TRIM71: variants seen among roughly 807,000 people sequenced by gnomAD.
The protein encoded by TRIM71 is E3 ubiquitin-protein ligase TRIM71.
Under a neutral mutation model 61.2 loss-of-function variants are expected in TRIM71, and 9 were observed. The observed-to-expected ratio is 0.15, with a 90% CI of 0.09 to 0.26. The LOEUF (loss-of-function observed/expected upper bound fraction) is 0.26, where lower values mean the gene tolerates loss of function less well. Among genes scored for constraint, TRIM71 ranks in the 10% least tolerant of loss-of-function variants. The probability of loss-of-function intolerance (pLI) is 1.00; values close to 1 mark genes in which losing one functional copy is unlikely to be tolerated. For missense variants in TRIM71, 998 were observed against 1,238.7 expected (o/e 0.81, Z 2.92); for synonymous variants, 645 against 553.2 (o/e 1.17, Z -2.33).
intron 1 of TRIM71, among the ~76,000 whole-genome samples, chr3:32,822,029 G>A (rs1696140758): frequency 6.6e-6 from 1 of 152,162 alleles, no homozygotes; most frequent in Non-Finnish European, 1.5e-5. Context: ...CTTTAGTGTT[G>A]TTTTGCTTTT....
In TRIM71 at chr3:32,818,157, C is replaced by T. The variant is rs769321699; in HGVS notation, c.77C>T (p.Ser26Phe). Residue 26 changes from serine to phenylalanine, a missense_variant, in exon 1 of 4, where the codon TCC becomes TTC. Coordinates refer to ENST00000383763, the MANE Select transcript of TRIM71 (RefSeq NM_001039111.3). ...KEMCGSPAPL[S>F]SNSSASSSSS... is the part of the protein sequence containing the mutation. The stretch of plus-strand genomic sequence containing the variant: ...ATGTGCGGCTCGCCGGCGCCGCTCT[C>T]CTCCAACTCGTCCGCGTCGTCGTCC... 6 of 1,607,548 alleles carry T rather than the reference C, an allele frequency of 3.7e-6. No homozygotes were observed. The highest frequency in any genetic ancestry group is 1.7e-5 in the Admixed American group (1 of 59,650).
chr3:32,865,253 C>CG (rs1231126064), intron 1 of TRIM71, among the ~76,000 whole-genome samples: 4 of 152,060 alleles, frequency 2.6e-5, no homozygotes, highest in Admixed American at 1.3e-4. Flanking sequence ...CACTTGAACT[C>CG]GGGGGTTGGA....
chr3:32,850,779 T>C (rs1696529872), intron 1 of TRIM71, among the ~76,000 whole-genome samples: 1 of 152,106 alleles, frequency 6.6e-6, no homozygotes, highest in African/African-American at 2.4e-5. Flanking sequence ...GGGGGACCAT[T>C]CGCTGCCCTA....
intron 1 of TRIM71, among the ~76,000 whole-genome samples, chr3:32,870,120 T>C (rs1337368192): frequency 6.6e-6 from 1 of 152,232 alleles, no homozygotes; most frequent in East Asian, 1.9e-4. Flanking sequence ...TCGATTGTTT[T>C]AACAGCTCTA....
intron 2 of TRIM71, among the ~76,000 whole-genome samples, chr3:32,885,539 G>A (rs921206462): frequency 6.6e-6 from 1 of 152,192 alleles, no homozygotes. Context: ...GCGGGGTTTC[G>A]CCTAGGCAGA....
intron 2 of TRIM71, among the ~76,000 whole-genome samples, chr3:32,882,973 T>C (rs1423785152): frequency 6.6e-6 from 1 of 152,220 alleles, no homozygotes; most frequent in Non-Finnish European, 1.5e-5. Context: ...ACAGCTTTCT[T>C]TCCTTTGTTC....
rs1164634593 is a variant in TRIM71 at position 32,893,869 on chromosome 3, A to AT, written c.*2058_*2059insT. 1.3e-5 allele frequency: 2 copies of AT among 152,004 alleles called. No homozygotes were observed. Among genetic ancestry groups the AT allele is most frequent in the Admixed American group, 6.6e-5 (1 of 15,250 alleles). 9.4% of individuals were successfully genotyped at this position (152,004 alleles called of 1,614,324 possible). On this transcript the variant is annotated 3_prime_UTR_variant, in exon 4 of 4. Coordinates refer to ENST00000383763, the MANE Select transcript of TRIM71 (RefSeq NM_001039111.3). ...GACCAAAATGGGAAGGAAAAAAAAA[A>AT]CCTCATCTCACAGAGGAGAACTGCA...
rs907717416 is a variant in TRIM71 at position 32,871,865 on chromosome 3, C to G, written c.853-1953C>G. Among the ~76,000 whole-genome samples the G allele has an allele frequency of 2.0e-5, 3 of 152,176 alleles. No individual in the cohort carries two copies. In the East Asian group the frequency reaches 5.8e-4, roughly 29 times the overall value. ...CCCTTGTATAAAGTAGGATCTGGGC[C>G]GGGTGCGTTGGCTCACGCCTGTAAT... On this transcript the variant is annotated intron_variant, in intron 1 of 3. Transcript: ENST00000383763.
chr3:32,856,564 AG>A (rs1474064087), intron 1 of TRIM71, among the ~76,000 whole-genome samples: 1 of 152,206 alleles, frequency 6.6e-6, no homozygotes, highest in Non-Finnish European at 1.5e-5. Flanking sequence ...GGAAGGTGAA[AG>A]GGGTGAAAGG....
At chr3:32,885,168 C>CACCT (rs1696946807) in intron 2 of TRIM71, among the ~76,000 whole-genome samples, 1 of 152,198 alleles carries the variant, frequency 6.6e-6, no homozygotes, top group Admixed American at 6.5e-5. Context: ...CTGATTGAAT[C>CACCT]ACCTACCCGA....
intron 1 of TRIM71, among the ~76,000 whole-genome samples, chr3:32,846,775 C>T (rs1696480747): frequency 6.6e-6 from 1 of 151,838 alleles, no homozygotes. Flanking sequence ...ATATAAGTGA[C>T]ATCATGTGGT....
chr3:32,894,000 C>CTGTT lies in TRIM71; in HGVS notation c.*2189_*2190insTGTT, dbSNP rs1697053868. The CTGTT allele has an allele frequency of 6.6e-6, 1 of 152,156 alleles. No homozygotes were observed. Among genetic ancestry groups the CTGTT allele is most frequent in the Non-Finnish European group, 1.5e-5 (1 of 68,028 alleles). The allele number at this position is 152,156 out of a possible 1,614,324, so 9.4% of individuals were successfully genotyped here. ...TAGGAAATGTTGTTTGTTAGAAGCT[C>CTGTT]CTTTTACTGTAGAATTTAATAGTGA... On this transcript the variant is annotated 3_prime_UTR_variant, in exon 4 of 4. Coordinates refer to ENST00000383763, the MANE Select transcript of TRIM71 (RefSeq NM_001039111.3).
At chr3:32,856,208 G>C (rs1321034806) in intron 1 of TRIM71, among the ~76,000 whole-genome samples, 1 of 151,982 alleles carries the variant, frequency 6.6e-6, no homozygotes, top group African/African-American at 2.4e-5. Context: ...TAGTGGAGAC[G>C]GGGTTTCACC....
intron 1 of TRIM71, among the ~76,000 whole-genome samples, chr3:32,862,666 C>T (rs1220709579): frequency 6.6e-6 from 1 of 152,232 alleles, no homozygotes; most frequent in Non-Finnish European, 1.5e-5. Flanking sequence ...CCAAATCTGT[C>T]TTTCGTGTCC....
At chr3:32,859,758 C>T (rs1243523500) in intron 1 of TRIM71, among the ~76,000 whole-genome samples, 1 of 152,182 alleles carries the variant, frequency 6.6e-6, no homozygotes, top group Non-Finnish European at 1.5e-5. Context: ...GCTGTAATGA[C>T]TGCTTCTTTG....
At chr3:32,860,961 G>A (rs892991103) in intron 1 of TRIM71, among the ~76,000 whole-genome samples, 1 of 151,968 alleles carries the variant, frequency 6.6e-6, no homozygotes, top group Non-Finnish European at 1.5e-5. Context: ...GATCGCTTGA[G>A]TGCAGGAGTT....
At chr3:32,841,486 A>G (rs1043572292) in intron 1 of TRIM71, among the ~76,000 whole-genome samples, 7 of 151,826 alleles carry the variant, frequency 4.6e-5, no homozygotes, top group Non-Finnish European at 7.4e-5. Context: ...AGCCTGGGCA[A>G]CACGGCAAAA....
At chr3:32,886,264 C>A (rs551724743) in intron 3 of TRIM71, among the ~76,000 whole-genome samples, 196 bp downstream of exon 3, 1 of 152,168 alleles carries the variant, frequency 6.6e-6, no homozygotes, top group East Asian at 1.9e-4. Context: ...AGTAAAACAA[C>A]AAGAAGCCTT....
Position 32,818,871 on chromosome 3 carries a change from C to T in TRIM71, c.791C>T (p.Pro264Leu), listed in dbSNP as rs576143107. 5 of 1,612,558 alleles carry T rather than the reference C, an allele frequency of 3.1e-6. No homozygotes were observed. The highest frequency in any genetic ancestry group is 4.5e-5 in the East Asian group (2 of 44,840). The change falls in exon 1 of 4, where the codon CCC (proline) becomes CTC (leucine). Residue 264 changes from proline (P) to leucine (L), a missense_variant. Around this residue, in one of 5 missense-constraint regions of TRIM71, gnomAD observed 527 missense variants for 427.8 expected, o/e 1.23. Coordinates refer to ENST00000383763, the MANE Select transcript of TRIM71 (RefSeq NM_001039111.3). ...LGLGPPFPGP[P>L]FSILSVFPER... ...CTCGGGCCGCCCTTTCCCGGCCCGC[C>T]CTTCTCCATCCTCTCAGTGTTTCCC...
Sources: gnomAD v4.1 joint callset for allele counts (sites outside exome capture counted in the v4.1 genomes callset) on GRCh38, gnomAD v4.1.1 for gene constraint, gnomAD v4.1.1 regional missense constraint, MANE v1.5 for transcripts, NCBI Gene and HGNC (gene_info 2026-07-23, HGNC 2026-07-21) for gene names.